The following ERCC4 variants were observed in gnomAD, a reference collection of about 807,000 sequenced individuals.
The protein encoded by ERCC4 is ERCC excision repair 4, endonuclease catalytic subunit.
In ERCC4, 65 loss-of-function variants were observed where a neutral mutation model predicts 76.9. The ratio of observed to expected loss-of-function variants is 0.84; its 90% CI spans 0.69 to 1.04. The LOEUF is 1.04. ERCC4 is among the 50% of genes least tolerant of loss of function. ERCC4 has a pLI of 0.00. For missense variants in ERCC4, 1,214 were observed against 1,128.2 expected, an observed-to-expected ratio of 1.08 and a Z score of -1.09; for synonymous variants, 463 against 410.1, an observed-to-expected ratio of 1.13 and a Z score of -1.56.
intron 6 of ERCC4, chr16:13,933,949 T>C: frequency 4.6e-6 from 2 of 431,332 alleles, no homozygotes; most frequent in Non-Finnish European, 8.4e-6. Flanking sequence ...CTCTCATTAG[T>C]GACCATGCAT....
rs564658450 is a variant in ERCC4 at position 13,948,607 on chromosome 16, G to T, written c.*260G>T. ...TTTCTTTTTAAATGAGGTTTGTCAG[G>T]ATCAGGTAAAGTTCCTACAAGTGAT... On this transcript the variant is annotated 3_prime_UTR_variant, in exon 11 of 11. Transcript: ENST00000311895. 70 of 482,948 alleles carry T rather than the reference G, an allele frequency of 1.4e-4. No homozygotes were observed. Among genetic ancestry groups the T allele is most frequent in the African/African-American group, 1.1e-3 (56 of 51,912 alleles). 29.9% of individuals were successfully genotyped at this position (482,948 alleles called of 1,614,324 possible). A position where few individuals can be genotyped will look rare whatever the true frequency, so the allele number is the denominator to read the frequency against.
chr16:13,927,808 C>G (rs925880011), intron 3 of ERCC4, among the ~76,000 whole-genome samples: 4 of 152,262 alleles, frequency 2.6e-5, no homozygotes, highest in Admixed American at 2.0e-4. Flanking sequence ...TTGGCCCAGA[C>G]CGTAGTTTGC....
intron 7 of ERCC4, chr16:13,934,615 C>A (rs2032247047): frequency 3.1e-6 from 1 of 326,956 alleles, no homozygotes; most frequent in African/African-American, 2.2e-5. Flanking sequence ...GAGCTAATCT[C>A]TACACATATT....
chr16:13,926,525 C>G lies in ERCC4; in HGVS notation c.389-36C>G, dbSNP rs3136091. ...TGATGAATGAATGGCAATTACCTAC[C>G]TGTTCTGTAGTTTAAATTATGTTTC... On this transcript the variant is annotated intron_variant, in intron 2 of 10. Coordinates refer to ENST00000311895, the MANE Select transcript of ERCC4 (RefSeq NM_005236.3). 5.7e-3 allele frequency: 8,817 copies of G among 1,557,962 alleles called. 398 individuals are homozygous for G. In the African/African-American group the frequency reaches 0.1, roughly 18 times the overall value.
In ERCC4 at chr16:13,947,813, C is replaced by A; in HGVS notation, c.2217C>A (p.Gly739=). ...ISDLIGSLNN[G]RLYSQCISMS... is the part of the protein sequence containing the mutation. ...ATTTAATCGGCTCTTTAAATAACGG[C>A]CGCCTCTACAGCCAGTGCATCTCCA... The change falls in exon 11 of 11, where the codon GGC becomes GGA. Residue 739 remains glycine, a synonymous_variant. Coordinates refer to ENST00000311895, the MANE Select transcript of ERCC4 (RefSeq NM_005236.3). 1.9e-6 allele frequency: 3 copies of A among 1,614,206 alleles called. No homozygotes were observed. The highest frequency in any genetic ancestry group is 2.5e-6 in the Non-Finnish European group (3 of 1,180,038).
intron 9 of ERCC4, among the ~76,000 whole-genome samples, chr16:13,940,916 G>A (rs2141613543): frequency 6.6e-6 from 1 of 152,330 alleles, no homozygotes; most frequent in East Asian, 1.9e-4. Flanking sequence ...TAGAGCCAGA[G>A]GAGCCTGATA....
chr16:13,925,599 A>G (rs2032056841), intron 2 of ERCC4, among the ~76,000 whole-genome samples: 1 of 152,220 alleles, frequency 6.6e-6, no homozygotes, highest in East Asian at 1.9e-4. Flanking sequence ...GAACTATTAG[A>G]AGGGTCATAA....
chr16:13,941,833 A>G (rs1041893796), intron 9 of ERCC4, among the ~76,000 whole-genome samples: 2 of 152,210 alleles, frequency 1.3e-5, no homozygotes, highest in African/African-American at 4.8e-5. Flanking sequence ...ATGGGCTAGC[A>G]TGAGGGCTTA....
At position 13,947,819 on chromosome 16, in the gene ERCC4, C is replaced by T. The variant is rs1477890575; in HGVS notation, c.2223C>T (p.Leu741=). 2 of 1,614,110 alleles carry T rather than the reference C, an allele frequency of 1.2e-6. No individual in the cohort carries two copies. The highest frequency in any genetic ancestry group is 4.5e-5 in the East Asian group (2 of 44,900). Residue 741 remains leucine (L), a synonymous_variant, in exon 11 of 11, where the codon CTC becomes CTT. Transcript: ENST00000311895. Reference sequence around the variant, plus strand: ...TCGGCTCTTTAAATAACGGCCGCCTCTACAGCCAGTGCATCTCCATGTCCC... The same window carrying T: ...TCGGCTCTTTAAATAACGGCCGCCTTTACAGCCAGTGCATCTCCATGTCCC... The part of the protein sequence containing the change: ...DLIGSLNNGR[L]YSQCISMSRY...
chr16:13,933,136 G>GGT, intron 6 of ERCC4: 1 of 336,402 alleles, frequency 3.0e-6, no homozygotes, highest in Non-Finnish European at 5.9e-6. Context: ...GAGAGGCTAA[G>GGT]GTGAGCCCAG....
chr16:13,937,877 G>A lies in ERCC4; in HGVS notation c.1904+19G>A, dbSNP rs1251073558. 1.3e-6 allele frequency: 2 copies of A among 1,491,906 alleles called. No homozygotes were observed. The highest frequency in any genetic ancestry group is 2.3e-5 in the South Asian group (2 of 88,732). The allele number at this position is 1,491,906 out of a possible 1,614,324, so 92.4% of individuals were successfully genotyped here. A position where few individuals can be genotyped will look rare whatever the true frequency, so the allele number is the denominator to read the frequency against. Reference sequence around the variant, plus strand: ...TCATAAGGTAATACATAGAAAATCAGTATGAAAGCCCCAACTACATTGGAA... The same window carrying A: ...TCATAAGGTAATACATAGAAAATCAATATGAAAGCCCCAACTACATTGGAA... On this transcript the variant is annotated intron_variant, in intron 9 of 10. Transcript: ENST00000311895.
chr16:13,921,535 A>G (rs1051425795), intron 1 of ERCC4, among the ~76,000 whole-genome samples: 1 of 152,194 alleles, frequency 6.6e-6, no homozygotes, highest in African/African-American at 2.4e-5. Context: ...CACAGGGCCT[A>G]GTAAAGATGG....
intron 7 of ERCC4, chr16:13,934,897 C>T (rs2032252665): frequency 2.4e-6 from 1 of 421,196 alleles, no homozygotes; most frequent in African/African-American, 1.9e-5. Context: ...GCCCCAATTA[C>T]ACCACAGTTG....
chr16:13,920,696 C>T (rs1483806546), intron 1 of ERCC4, among the ~76,000 whole-genome samples: 1 of 151,898 alleles, frequency 6.6e-6, no homozygotes, highest in African/African-American at 2.4e-5. Context: ...ATGCCAGTCC[C>T]TGACACTGTG....
chr16:13,933,522 A>C (rs2141605079), intron 6 of ERCC4: 1 of 152,746 alleles, frequency 6.5e-6, no homozygotes, highest in African/African-American at 2.4e-5. Context: ...TAGCCTGACC[A>C]ACATGGTGAA....
At chr16:13,938,607 G>A (rs1260739374) in intron 9 of ERCC4, among the ~76,000 whole-genome samples, 1 of 152,166 alleles carries the variant, frequency 6.6e-6, no homozygotes, top group African/African-American at 2.4e-5. Context: ...TGCTGGATGG[G>A]GCATCACAGA....
intron 2 of ERCC4, among the ~76,000 whole-genome samples, chr16:13,924,964 T>A (rs910304074): frequency 6.6e-6 from 1 of 152,196 alleles, no homozygotes; most frequent in Non-Finnish European, 1.5e-5. Flanking sequence ...CTGCTTCTAT[T>A]ATTTTTATTT....
chr16:13,928,012 AT>A lies in ERCC4; in HGVS notation c.585-15del. The A allele has an allele frequency of 6.3e-7, 1 of 1,597,810 alleles. No homozygotes were observed. Among genetic ancestry groups the A allele is most frequent in the Non-Finnish European group, 8.6e-7 (1 of 1,166,492 alleles). On this transcript the variant is annotated splice_polypyrimidine_tract_variant and intron_variant, in intron 3 of 10. Coordinates refer to ENST00000311895, the MANE Select transcript of ERCC4 (RefSeq NM_005236.3). ...TGAAACTCTAGAAAATTGTTGAAAA[AT>A]ATTTGTCTCTTTAGGTTCCATGTAG...
intron 9 of ERCC4, among the ~76,000 whole-genome samples, chr16:13,943,681 T>G (rs1258992609): frequency 6.6e-6 from 1 of 152,136 alleles, no homozygotes; most frequent in African/African-American, 2.4e-5. Flanking sequence ...TGGTTCCTCT[T>G]CTGTTCCCCT....
Sources: allele counts gnomAD v4.1 joint callset (sites outside exome capture counted in the v4.1 genomes callset), GRCh38; gene constraint gnomAD v4.1.1; transcripts MANE v1.5; gene names NCBI Gene and HGNC (gene_info 2026-07-23, HGNC 2026-07-21).